Variants in FBXW7 observed in about 807,000 individuals in gnomAD.
FBXW7 encodes F-box/WD repeat-containing protein 7.
A neutral mutation model predicts 86.3 loss-of-function variants in FBXW7; 11 were observed. That is an observed-to-expected ratio of 0.13 (90% confidence interval 0.08 to 0.21). FBXW7 has a LOEUF of 0.21. Ranked by LOEUF, FBXW7 falls within the 10% of genes least tolerant of loss-of-function variation. The probability of loss-of-function intolerance (pLI) is 1.00; values close to 1 mark genes in which losing one functional copy is unlikely to be tolerated. For missense variants in FBXW7, 488 were observed against 847.4 expected (o/e 0.58, Z 5.27); for synonymous variants, 313 against 297.9 (o/e 1.05, Z -0.52).
chr4:152,500,899 T>TG (rs2149699800), intron 2 of FBXW7, among the ~76,000 whole-genome samples: 1 of 152,354 alleles, frequency 6.6e-6, no homozygotes, highest in East Asian at 1.9e-4. Flanking sequence ...ATTTCTTCTA[T>TG]TTGGTTTTGT....
intron 6 of FBXW7, among the ~76,000 whole-genome samples, chr4:152,342,439 G>T (rs1170508780): frequency 1.3e-5 from 2 of 152,228 alleles, no homozygotes; most frequent in African/African-American, 4.8e-5. Context: ...CCCGCCAGCA[G>T]ATAGTCTGAT....
At chr4:152,495,383 G>C (rs1431085398) in intron 2 of FBXW7, among the ~76,000 whole-genome samples, 1 of 152,130 alleles carries the variant, frequency 6.6e-6, no homozygotes, top group African/African-American at 2.4e-5. Context: ...AGAGGTTGCA[G>C]TGAGCTGAGA....
chr4:152,367,482 T>TA (rs1733598883), intron 4 of FBXW7, among the ~76,000 whole-genome samples: 1 of 152,026 alleles, frequency 6.6e-6, no homozygotes, highest in African/African-American at 2.4e-5. Flanking sequence ...TACTAGTTAA[T>TA]AAAAAAGGGC....
At chr4:152,446,494 T>C (rs1741412912) in intron 2 of FBXW7, among the ~76,000 whole-genome samples, 1 of 152,202 alleles carries the variant, frequency 6.6e-6, no homozygotes, top group Non-Finnish European at 1.5e-5. Flanking sequence ...TTTAAGAGCA[T>C]GTTTAAGGGA....
intron 2 of FBXW7, among the ~76,000 whole-genome samples, chr4:152,481,915 A>G (rs1316416616): frequency 1.3e-5 from 2 of 152,246 alleles, no homozygotes; most frequent in South Asian, 2.1e-4. Context: ...CATTGAAATA[A>G]TAACAAAGGA....
At chr4:152,471,427 A>G (rs1300498153) in intron 2 of FBXW7, among the ~76,000 whole-genome samples, 1 of 108,540 alleles carries the variant, frequency 9.2e-6, no homozygotes, top group Non-Finnish European at 1.9e-5. Flanking sequence ...GAAAAAGGGA[A>G]GGAAGGAGGG....
chr4:152,357,680 C>T (rs546111005), intron 4 of FBXW7, among the ~76,000 whole-genome samples: 109 of 152,212 alleles, frequency 7.2e-4, no homozygotes, highest in African/African-American at 2.4e-3. Flanking sequence ...GACACAGCCT[C>T]TGATTAGTGT....
chr4:152,469,507 T>A (rs1455161841), intron 2 of FBXW7, among the ~76,000 whole-genome samples: 1 of 152,134 alleles, frequency 6.6e-6, no homozygotes, highest in African/African-American at 2.4e-5. Flanking sequence ...GCATAGACCC[T>A]GACCACAGTA....
chr4:152,512,682 A>G (rs757219144), intron 2 of FBXW7, among the ~76,000 whole-genome samples: 3 of 152,228 alleles, frequency 2.0e-5, no homozygotes, highest in Non-Finnish European at 4.4e-5. Flanking sequence ...AATGTCTAAA[A>G]TAGGCAAATC....
At chr4:152,413,079 A>G (rs1294020210) in intron 2 of FBXW7, among the ~76,000 whole-genome samples, 1 of 152,106 alleles carries the variant, frequency 6.6e-6, no homozygotes, top group Non-Finnish European at 1.5e-5. Context: ...CCCGTGATCT[A>G]AAACTTGAAA....
At chr4:152,362,288 T>C (rs1733035650) in intron 4 of FBXW7, among the ~76,000 whole-genome samples, 1 of 152,134 alleles carries the variant, frequency 6.6e-6, no homozygotes, top group African/African-American at 2.4e-5. Flanking sequence ...TATGAGTCAA[T>C]GTATGTTCAT....
At chr4:152,351,354 G>T (rs189251890) in intron 4 of FBXW7, among the ~76,000 whole-genome samples, 1 of 151,998 alleles carries the variant, frequency 6.6e-6, no homozygotes, top group Admixed American at 6.5e-5. Flanking sequence ...TAGAGGTGAG[G>T]GTACAACAAG....
intron 4 of FBXW7, among the ~76,000 whole-genome samples, chr4:152,393,481 C>A (rs1736164249): frequency 6.6e-6 from 1 of 151,992 alleles, no homozygotes; most frequent in Non-Finnish European, 1.5e-5. Flanking sequence ...TGAATAAACC[C>A]CAAAACTGAA....
At chr4:152,417,637 A>G (rs1738560038) in intron 2 of FBXW7, among the ~76,000 whole-genome samples, 1 of 152,130 alleles carries the variant, frequency 6.6e-6, no homozygotes, top group South Asian at 2.1e-4. Context: ...ACACAGTGAC[A>G]ACATCCCTGT....
chr4:152,381,119 C>T (rs1046617222), intron 4 of FBXW7, among the ~76,000 whole-genome samples: 24 of 151,994 alleles, frequency 1.6e-4, no homozygotes, highest in African/African-American at 5.8e-4. Context: ...AACATGGCTG[C>T]CACTTGTTTG....
chr4:152,411,180 CATTTT>C, intron 4 of FBXW7, 118 bp downstream of exon 4: 7 of 1,289,264 alleles, frequency 5.4e-6, no homozygotes, highest in South Asian at 2.1e-5. Flanking sequence ...AAAACTAGTT[CATTTT>C]ATTATTACAC....
intron 2 of FBXW7, among the ~76,000 whole-genome samples, chr4:152,471,397 G>C (rs1743944994): frequency 6.9e-6 from 1 of 144,962 alleles, no homozygotes. Flanking sequence ...AGGAAGGAGG[G>C]AAGGAGGGAA....
At position 152,461,606 on chromosome 4, in the gene FBXW7, A is replaced by G. The variant is rs184952213; in HGVS notation, c.-119-49077T>C. The stretch of plus-strand genomic sequence containing the variant: ...TTAAAGTCCTTGCTTGCTAAATCCA[A>G]TATCTGGCTATACTTGGGGTTAATT... On this transcript the variant is annotated intron_variant, in intron 2 of 13. Coordinates refer to ENST00000281708, the MANE Select transcript of FBXW7 (RefSeq NM_001349798.2). Among the ~76,000 whole-genome samples the G allele has an allele frequency of 1.2e-4, 19 of 152,318 alleles. No individual in the cohort carries two copies. The East Asian group carries it at 2.7e-3, about 22-fold the overall frequency.
At chr4:152,455,570 T>C (rs768311577) in intron 2 of FBXW7, among the ~76,000 whole-genome samples, 1 of 152,206 alleles carries the variant, frequency 6.6e-6, no homozygotes, top group East Asian at 1.9e-4. Flanking sequence ...GTTTTCTCCA[T>C]TATGTTCCTC....
Sources: allele counts gnomAD v4.1 joint callset (sites outside exome capture counted in the v4.1 genomes callset), GRCh38; gene constraint gnomAD v4.1.1; transcripts MANE v1.5; gene names NCBI Gene and HGNC (gene_info 2026-07-23, HGNC 2026-07-21).